Variants in ALDH3A1 observed in about 807,000 individuals in gnomAD.
The protein encoded by ALDH3A1 is aldehyde dehydrogenase, dimeric NADP-preferring.
In ALDH3A1, 46 loss-of-function variants were observed where a neutral mutation model predicts 49.9. The ratio of observed to expected loss-of-function variants is 0.92; its 90% confidence interval spans 0.73 to 1.18. The LOEUF (loss-of-function observed/expected upper bound fraction) is 1.18. Ranked by LOEUF, ALDH3A1 falls within the 50% of genes most tolerant of loss-of-function variation. ALDH3A1 has a pLI of 0.00. For missense variants in ALDH3A1, 592 were observed against 611.8 expected (o/e 0.97, Z 0.34); for synonymous variants, 269 against 253.3 (o/e 1.06, Z -0.59).
Position 19,740,423 on chromosome 17 carries a change from C to A in ALDH3A1, c.862G>T (p.Ala288Ser). Residue 288 changes from alanine (A) to serine (S), a missense_variant, in exon 7 of 11, where the codon GCC becomes TCC. Physicochemically the swap from Ala to Ser is moderately conservative, Grantham distance 99. Coordinates refer to ENST00000225740, the MANE Select transcript of ALDH3A1 (RefSeq NM_000691.5). ...CCCATCACCCTCTGGAAGTGCCGGGCACTAATGATTCTTCCATAGTCCCGG... is the reference window on the plus strand; with the variant it reads ...CCCATCACCCTCTGGAAGTGCCGGGAACTAATGATTCTTCCATAGTCCCGG... ...KSRDYGRIIS[A>S]RHFQRVMGLI... 6.2e-7 allele frequency: 1 copy of A among 1,614,158 alleles called. No individual in the cohort carries two copies. Among genetic ancestry groups the A allele is most frequent in the Non-Finnish European group, 8.5e-7 (1 of 1,180,036 alleles).
chr17:19,744,916 C>CCCCCCCA, intron 2 of ALDH3A1, 52 bp downstream of exon 2: 6 of 1,345,088 alleles, frequency 4.5e-6, no homozygotes, highest in Non-Finnish European at 5.8e-6. Context: ...TCCCCCCACG[C>CCCCCCCA]CCCATCGCAT....
intron 7 of ALDH3A1, 60 bp from the exon 8 acceptor site, chr17:19,739,734 G>A: frequency 3.8e-6 from 6 of 1,579,912 alleles, no homozygotes; most frequent in South Asian, 3.5e-5. Flanking sequence ...GATGGAAAGT[G>A]CAAGCACCTA....
chr17:19,742,005 G>T lies in ALDH3A1; in HGVS notation c.688C>A (p.Arg230=). The change falls in exon 5 of 11, where the codon CGA becomes AGA. Residue 230 remains arginine (R), a splice_region_variant and synonymous_variant. Transcript: ENST00000225740. ...DKNCDLDVAC[R]RIAWGKFMNS... is the part of the protein sequence containing the mutation. Reference sequence around the variant, plus strand: ...AGCCAGCAGGCCCGTGCCTCTCACCGGCAGGCCACGTCCAGGTCACAGTTC... The same window carrying T: ...AGCCAGCAGGCCCGTGCCTCTCACCTGCAGGCCACGTCCAGGTCACAGTTC... 1 of 1,613,668 alleles carries T rather than the reference G, an allele frequency of 6.2e-7. No individual in the cohort carries two copies. The highest frequency in any genetic ancestry group is 8.5e-7 in the Non-Finnish European group (1 of 1,179,962).
chr17:19,748,155 C>A lies in ALDH3A1; in HGVS notation c.-6+104G>T. 2.9e-6 allele frequency: 1 copy of A among 346,370 alleles called. No individual in the cohort carries two copies. Among genetic ancestry groups the A allele is most frequent in the East Asian group, 7.5e-5 (1 of 13,302 alleles). The allele number at this position is 346,370 out of a possible 1,614,324, so 21.5% of individuals were successfully genotyped here. A position where few individuals can be genotyped will look rare whatever the true frequency, so the allele number is the denominator to read the frequency against. On this transcript the variant is annotated intron_variant, in intron 1 of 10. Coordinates refer to ENST00000225740, the MANE Select transcript of ALDH3A1 (RefSeq NM_000691.5). This position sits in a 1 kb window ranked among gnomAD's most constrained non-coding sequence, Gnocchi z 4.4. ...GATGATGGTCCCAGAGGCAGGGACC[C>A]CCTGGAGAGATGATGTAGGACTCTT...
In ALDH3A1 at chr17:19,741,129, C is replaced by G. The variant is rs370412178; in HGVS notation, c.771G>C (p.Gln257His). 1 of 1,614,036 alleles carries G rather than the reference C, an allele frequency of 6.2e-7. No homozygotes were observed. Among genetic ancestry groups the G allele is most frequent in the African/African-American group, 1.3e-5 (1 of 74,942 alleles). ...TCTTGAGCTTCTCCACAATTTGGTT[C>G]TGGATCGAGGGGTCACAGAGGATGT... ...PDYILCDPSI[Q>H]NQIVEKLKKS... Residue 257 changes from glutamine to histidine, a missense_variant, in exon 6 of 11, where the codon CAG (glutamine) becomes CAC (histidine). Physicochemically the swap from Gln to His is conservative, Grantham distance 24. Transcript: ENST00000225740.
rs751834346 is a variant in ALDH3A1 at position 19,742,171 on chromosome 17, C to T, written c.522G>A (p.Thr174=). Residue 174 remains threonine (T), a synonymous_variant, in exon 5 of 11, where the codon ACG becomes ACA. Coordinates refer to ENST00000225740, the MANE Select transcript of ALDH3A1 (RefSeq NM_000691.5). ...GGTCGAACCTCTCCTTGAGCAGCTC[C>T]GTGGTCTCAGGGACACCCCCATTGA... ...PVINGGVPET[T]ELLKERFDHI... The T allele has an allele frequency of 1.4e-5, 23 of 1,613,936 alleles. No homozygotes were observed. The highest frequency in any genetic ancestry group is 1.7e-5 in the Non-Finnish European group (20 of 1,180,010).
rs772372375 is a variant in ALDH3A1, at chr17:19,745,119, A to C, written c.11T>G (p.Ile4Ser). The C allele has an allele frequency of 3.8e-6, 6 of 1,578,674 alleles. No individual in the cohort carries two copies. The highest frequency in any genetic ancestry group is 5.1e-6 in the Non-Finnish European group (6 of 1,168,722). ...GCGGGCGCGCTTCACGGCCTCGCTG[A>C]TCTTGCTCATGGCGCCTGGGGACAG... MSK[I>S]SEAVKRARAA... Residue 4 changes from isoleucine (I) to serine (S), a missense_variant, in exon 2 of 11, where the codon ATC (isoleucine) becomes AGC (serine). Physicochemically the swap from Ile to Ser is moderately radical, Grantham distance 142 (BLOSUM62 -2). Transcript: ENST00000225740.
chr17:19,747,156 A>C (rs891146401), intron 1 of ALDH3A1, among the ~76,000 whole-genome samples: 3 of 152,154 alleles, frequency 2.0e-5, no homozygotes, highest in Non-Finnish European at 4.4e-5. Context: ...GTAATATATA[A>C]TTATATTGTA....
chr17:19,744,895 T>TGCCCCCCCCCCCCCCCCCC, intron 2 of ALDH3A1, 73 bp downstream of exon 2: 1 of 924,176 alleles, frequency 1.1e-6, no homozygotes, highest in Non-Finnish European at 1.4e-6. Flanking sequence ...GGTCGCACTC[T>TGCCCCCCCCCCCCCCCCCC]CCCCAGCCCC....
In ALDH3A1 at chr17:19,744,991, C is replaced by T. The variant is rs997514261; in HGVS notation, c.139G>A (p.Ala47Thr). Residue 47 changes from alanine (A) to threonine (T), a missense_variant, in exon 2 of 11, where the codon GCG becomes ACG. Ala to Thr is a moderately conservative substitution (Grantham distance 58). Coordinates refer to ENST00000225740, the MANE Select transcript of ALDH3A1 (RefSeq NM_000691.5). ...ACCTTGTGCAGGTCTGCGGCCAGCG[C>T]GCCCACCAGCTCCTGCTCCTGCTCC... The part of the protein sequence containing the change: ...IQEQEQELVG[A>T]LAADLHKNEW... 1 of 1,585,020 alleles carries T rather than the reference C, an allele frequency of 6.3e-7. No individual in the cohort carries two copies. Among genetic ancestry groups the T allele is most frequent in the East Asian group, 2.3e-5 (1 of 43,698 alleles).
chr17:19,741,246 T>C, intron 5 of ALDH3A1, 36 bp from the exon 6 acceptor site: 1 of 1,587,658 alleles, frequency 6.3e-7, no homozygotes, highest in Non-Finnish European at 8.6e-7. Flanking sequence ...ATCCAAAAGG[T>C]TCCCCAGGAG....
chr17:19,744,976 G>C lies in ALDH3A1; in HGVS notation c.154C>G (p.Leu52Val). 6.4e-6 allele frequency: 10 copies of C among 1,571,194 alleles called. No individual in the cohort carries two copies. Among genetic ancestry groups the C allele is most frequent in the Non-Finnish European group, 8.5e-6 (10 of 1,169,842 alleles). ...QELVGALAADLHKNEWNAYYE... is the reference protein window; with the variant it reads ...QELVGALAADVHKNEWNAYYE... Reference sequence around the variant, plus strand: ...CCGCCCAGCCTGAGCACCTTGTGCAGGTCTGCGGCCAGCGCGCCCACCAGC... The same window carrying C: ...CCGCCCAGCCTGAGCACCTTGTGCACGTCTGCGGCCAGCGCGCCCACCAGC... The change falls in exon 2 of 11, where the codon CTG (leucine) becomes GTG (valine). Residue 52 changes from leucine (L) to valine (V), a missense_variant. Physicochemically the swap from Leu to Val is conservative, Grantham distance 32. Transcript: ENST00000225740.
At chr17:19,744,778 C>T (rs953786955) in intron 2 of ALDH3A1, 190 bp downstream of exon 2, 16 of 1,372,708 alleles carry the variant, frequency 1.2e-5, no homozygotes, top group Non-Finnish European at 1.4e-5. Flanking sequence ...GGCCAGAGGG[C>T]GGAAGAGGCG....
Position 19,738,315 on chromosome 17 carries a change from CCT to C in ALDH3A1, c.1347+6_1347+7del. On this transcript the variant is annotated splice_donor_region_variant and intron_variant, in intron 10 of 10. Transcript: ENST00000225740. ...CCGGTCTCCCCCACAGCGCCTTCCC[CCT>C]CTCACCTTGGCCGGGCTCGGGGGGT... 6.2e-7 allele frequency: 1 copy of C among 1,613,258 alleles called. No homozygotes were observed. Among genetic ancestry groups the C allele is most frequent in the Non-Finnish European group, 8.5e-7 (1 of 1,179,232 alleles).
chr17:19,738,204 G>C lies in ALDH3A1; in HGVS notation c.*17C>G, dbSNP rs200012428. ...GATGGGACACAGTATGGCCAGGCCA[G>C]GCGGAGCAACCCCTCCTCAGTGCTG... On this transcript the variant is annotated 3_prime_UTR_variant, in exon 11 of 11. Coordinates refer to ENST00000225740, the MANE Select transcript of ALDH3A1 (RefSeq NM_000691.5). 6.2e-7 allele frequency: 1 copy of C among 1,613,922 alleles called. No individual in the cohort carries two copies. The highest frequency in any genetic ancestry group is 2.2e-5 in the East Asian group (1 of 44,852).
At position 19,744,902 on chromosome 17, in the gene ALDH3A1, C is replaced by CT. The variant is rs1211578399; in HGVS notation, c.162+65_162+66insA. The CT allele has an allele frequency of 1.5e-5, 6 of 412,024 alleles. 1 individual carries two copies. The East Asian group carries it at 1.5e-3, about 100-fold the overall frequency. 25.5% of individuals were successfully genotyped at this position (412,024 alleles called of 1,614,324 possible). ...CCTCTCTGGGTCGCACTCTCCCCAG[C>CT]CCCTCCCCCCACGCCCCATCGCATG... On this transcript the variant is annotated intron_variant, in intron 2 of 10. Coordinates refer to ENST00000225740, the MANE Select transcript of ALDH3A1 (RefSeq NM_000691.5).
chr17:19,740,965 T>C (rs1227722888), intron 6 of ALDH3A1, 128 bp downstream of exon 6: 6 of 719,428 alleles, frequency 8.3e-6, no homozygotes, highest in African/African-American at 5.3e-5. Context: ...CATGCCTAGC[T>C]TGCATTATGT....
In ALDH3A1 at chr17:19,739,651, C is replaced by G; in HGVS notation, c.973G>C (p.Asp325His). 6.2e-7 allele frequency: 1 copy of G among 1,613,794 alleles called. No individual in the cohort carries two copies. Among genetic ancestry groups the G allele is most frequent in the Non-Finnish European group, 8.5e-7 (1 of 1,179,886 alleles). ...YIAPTILTDVDPQSPVMQEEI... is the reference protein window; with the variant it reads ...YIAPTILTDVHPQSPVMQEEI... ...TCTTGCATCACCGGGGACTGGGGGT[C>G]CACGTCCGTGAGGATGGTGGGGGCT... is the stretch of plus-strand genomic sequence containing the variant. The change falls in exon 8 of 11, where the codon GAC becomes CAC. Residue 325 changes from aspartate to histidine, a missense_variant. Asp to His is a moderately conservative substitution (Grantham distance 81, BLOSUM62 -1). Coordinates refer to ENST00000225740, the MANE Select transcript of ALDH3A1 (RefSeq NM_000691.5).
chr17:19,744,794 G>T (rs1393205199), intron 2 of ALDH3A1, 174 bp downstream of exon 2: 9 of 1,368,442 alleles, frequency 6.6e-6, no homozygotes, highest in Non-Finnish European at 8.4e-6. Context: ...AGGCGGCGGG[G>T]GCGCGCGGGG....
Sources: gnomAD v4.1 joint callset for allele counts (sites outside exome capture counted in the v4.1 genomes callset) on GRCh38, gnomAD v4.1.1 for gene constraint, Gnocchi (gnomAD v3.1) non-coding constraint, MANE v1.5 for transcripts, NCBI Gene and HGNC (gene_info 2026-07-23, HGNC 2026-07-21) for gene names.